The following QTMAN variants were observed in gnomAD, a reference collection of about 807,000 sequenced individuals.
QTMAN encodes the protein queuosine-tRNA mannosyltransferase.
At chr2:144,122,476 T>C in the QTMAN span, among the ~76,000 whole-genome samples, 1 of 152,144 alleles carries the variant, frequency 6.6e-6, no homozygotes, top group Non-Finnish European at 1.5e-5. Context: ...AATGGCCAGG[T>C]GAATTGCGGG....
chr2:144,002,983 T>C, the QTMAN span, among the ~76,000 whole-genome samples: 2 of 152,008 alleles, frequency 1.3e-5, no homozygotes, highest in Admixed American at 6.6e-5. Flanking sequence ...TTAGACATTA[T>C]AGATTTTTTA....
At chr2:144,322,823 C>G in the QTMAN span, among the ~76,000 whole-genome samples, 2 of 152,068 alleles carry the variant, frequency 1.3e-5, no homozygotes, top group South Asian at 4.1e-4. Flanking sequence ...TAACACTGGT[C>G]CCTTTGAAAA....
At chr2:144,161,115 T>C in the QTMAN span, among the ~76,000 whole-genome samples, 7 of 152,100 alleles carry the variant, frequency 4.6e-5, no homozygotes, top group African/African-American at 1.4e-4. Flanking sequence ...TGAAATCGAG[T>C]ACCAGCCTGT....
At chr2:144,307,162 AAAAAAAAAAAAAAAAAAAAAACAATT>A in the QTMAN span, among the ~76,000 whole-genome samples, 15 of 91,546 alleles carry the variant, frequency 1.6e-4, no homozygotes, top group South Asian at 3.9e-3. Flanking sequence ...TCCGTCTTAA[AAAAAAAAAAAAAAAAAAAAAACAATT>A]AAAAAAAAAA....
chr2:144,006,373 C>T, the QTMAN span: 3 of 152,024 alleles, frequency 2.0e-5, no homozygotes, highest in Non-Finnish European at 4.4e-5. Context: ...CACCTGCAAA[C>T]GGTTGCTCTC....
chr2:144,133,214 CATATATAAATATATATTTATATTT>C, the QTMAN span, among the ~76,000 whole-genome samples: 1 of 54,398 alleles, frequency 1.8e-5, no homozygotes, highest in Non-Finnish European at 3.0e-5. Context: ...TTTATATATA[CATATATAAATATATATTTATATTT>C]ATATATAAAT....
chr2:144,097,688 C>G, the QTMAN span, among the ~76,000 whole-genome samples: 3 of 152,134 alleles, frequency 2.0e-5, no homozygotes, highest in Non-Finnish European at 2.9e-5. Context: ...TTTAAAAATA[C>G]TCTCCCCACT....
At chr2:143,972,785 ATC>A in the QTMAN span, among the ~76,000 whole-genome samples, 17 of 152,210 alleles carry the variant, frequency 1.1e-4, no homozygotes, top group Non-Finnish European at 2.5e-4. Context: ...TCCCAAAGTT[ATC>A]TGTCAGAAAA....
the QTMAN span, among the ~76,000 whole-genome samples, chr2:144,302,355 T>C: frequency 6.6e-6 from 1 of 152,044 alleles, no homozygotes; most frequent in Non-Finnish European, 1.5e-5. Context: ...GGAGAACAAG[T>C]GGGGTAACCA....
the QTMAN span, among the ~76,000 whole-genome samples, chr2:143,973,375 G>A: frequency 2.6e-5 from 4 of 152,012 alleles, no homozygotes; most frequent in African/African-American, 4.8e-5. Flanking sequence ...TGCTTTTAAA[G>A]TATTATTTAT....
the QTMAN span, among the ~76,000 whole-genome samples, chr2:144,267,966 G>A: frequency 6.6e-6 from 1 of 152,170 alleles, no homozygotes; most frequent in South Asian, 2.1e-4. Flanking sequence ...GGGGCCAATG[G>A]GAGGTGATAC....
chr2:144,239,391 T>C, the QTMAN span, among the ~76,000 whole-genome samples: 2 of 152,186 alleles, frequency 1.3e-5, no homozygotes, highest in Non-Finnish European at 2.9e-5. Flanking sequence ...ATATCTACAA[T>C]TGCCAACCTA....
chr2:144,316,073 T>A, the QTMAN span, among the ~76,000 whole-genome samples: 1 of 152,064 alleles, frequency 6.6e-6, no homozygotes, highest in East Asian at 1.9e-4. Flanking sequence ...CGAGACCTAA[T>A]CTCTACAGAA....
chr2:144,318,878 G>C, the QTMAN span, among the ~76,000 whole-genome samples: 3 of 152,128 alleles, frequency 2.0e-5, no homozygotes, highest in African/African-American at 7.2e-5. Flanking sequence ...TCAACATTGA[G>C]AGAATCCATG....
At chr2:144,204,592 T>A in the QTMAN span, among the ~76,000 whole-genome samples, 1 of 152,212 alleles carries the variant, frequency 6.6e-6, no homozygotes, top group Non-Finnish European at 1.5e-5. Flanking sequence ...TGGCAATTCC[T>A]CAAGGATCTA....
At chr2:144,274,212 C>G in the QTMAN span, among the ~76,000 whole-genome samples, 1 of 152,178 alleles carries the variant, frequency 6.6e-6, no homozygotes, top group Non-Finnish European at 1.5e-5. Context: ...ATTTCCTAAG[C>G]AATAGGGGCA....
chr2:144,143,346 A>G, the QTMAN span, among the ~76,000 whole-genome samples: 7 of 152,004 alleles, frequency 4.6e-5, no homozygotes, highest in Non-Finnish European at 1.0e-4. Flanking sequence ...TGTTATGTCC[A>G]CAGGACTGCA....
the QTMAN span, among the ~76,000 whole-genome samples, chr2:144,040,116 A>G: frequency 6.6e-6 from 1 of 152,212 alleles, no homozygotes; most frequent in Non-Finnish European, 1.5e-5. Flanking sequence ...CCACAAAAGA[A>G]AGCAATGGAA....
chr2:144,287,681 T>C, the QTMAN span, among the ~76,000 whole-genome samples: 123 of 152,240 alleles, frequency 8.1e-4, no homozygotes, highest in African/African-American at 2.8e-3. Context: ...AAAGCCTTAT[T>C]CAGGGTCACA....
Sources: gnomAD v4.1 joint callset for allele counts (sites outside exome capture counted in the v4.1 genomes callset) on GRCh38, gnomAD v4.1.1 for gene constraint, MANE v1.5 for transcripts, NCBI Gene and HGNC (gene_info 2026-07-23, HGNC 2026-07-21) for gene names.